The following TDRD3 variants were observed in gnomAD, a reference collection of about 807,000 sequenced individuals.
The protein encoded by TDRD3 is tudor domain containing 3, also known as tudor domain-containing protein 3.
In TDRD3, 45 loss-of-function variants were observed where a neutral mutation model predicts 86.7. The observed-to-expected ratio is 0.52, with a 90% CI of 0.41 to 0.67. The LOEUF (loss-of-function observed/expected upper bound fraction) is 0.67. TDRD3 is among the 30% of genes least tolerant of loss of function. TDRD3 has a pLI of 0.00. For synonymous variants in TDRD3, 298 were observed against 301.7 expected (o/e 0.99, Z 0.13); for missense variants, 814 against 889.0 (o/e 0.92, Z 1.07).
chr13:60,530,529 C>T (rs899028532), intron 11 of TDRD3, among the ~76,000 whole-genome samples: 6 of 152,034 alleles, frequency 3.9e-5, no homozygotes, highest in Non-Finnish European at 8.8e-5. Context: ...TAACCTCCAC[C>T]TCCCAGGTTC....
At chr13:60,502,158 G>C (rs1007325052) in intron 8 of TDRD3, among the ~76,000 whole-genome samples, 2 of 152,130 alleles carry the variant, frequency 1.3e-5, no homozygotes, top group Non-Finnish European at 2.9e-5. Flanking sequence ...GAACCTCTGG[G>C]TTATGGGCAC....
At chr13:60,458,150 A>G (rs1299644995) in intron 3 of TDRD3, among the ~76,000 whole-genome samples, 1 of 152,122 alleles carries the variant, frequency 6.6e-6, no homozygotes, top group Non-Finnish European at 1.5e-5. Context: ...GTTCCTCCTT[A>G]TCCTTCATTC....
At chr13:60,482,663 T>G (rs938471040) in intron 5 of TDRD3, among the ~76,000 whole-genome samples, 1 of 152,156 alleles carries the variant, frequency 6.6e-6, no homozygotes, top group Admixed American at 6.5e-5. Context: ...TAGATTAATA[T>G]CTTAAATATA....
At chr13:60,480,822 G>A (rs1956294361) in intron 5 of TDRD3, among the ~76,000 whole-genome samples, 1 of 152,062 alleles carries the variant, frequency 6.6e-6, no homozygotes, top group South Asian at 2.1e-4. Flanking sequence ...GGGGAGTGCT[G>A]CAAGCGAGGG....
intron 1 of TDRD3, among the ~76,000 whole-genome samples, chr13:60,405,664 G>A (rs1370414925): frequency 6.6e-6 from 1 of 152,196 alleles, no homozygotes; most frequent in Non-Finnish European, 1.5e-5. Context: ...AGTGTAGTGA[G>A]ATGGAATTAG....
intron 8 of TDRD3, among the ~76,000 whole-genome samples, chr13:60,496,681 TG>T (rs1049293732): frequency 2.6e-5 from 4 of 152,148 alleles, no homozygotes; most frequent in African/African-American, 9.7e-5. Flanking sequence ...TGAAGCTGGT[TG>T]GTTGCTTCTA....
chr13:60,572,599 C>T (rs1210241023), intron 13 of TDRD3, among the ~76,000 whole-genome samples: 1 of 152,112 alleles, frequency 6.6e-6, no homozygotes, highest in African/African-American at 2.4e-5. Flanking sequence ...GAGGTCAAGG[C>T]TCAATGTGTA....
intron 12 of TDRD3, among the ~76,000 whole-genome samples, chr13:60,542,749 G>A (rs529127528): frequency 5.9e-5 from 9 of 151,930 alleles, no homozygotes; most frequent in East Asian, 5.8e-4. Context: ...TACTTTTATC[G>A]TCTTATGAGT....
At chr13:60,415,916 T>A (rs1954497273) in intron 1 of TDRD3, among the ~76,000 whole-genome samples, 1 of 152,194 alleles carries the variant, frequency 6.6e-6, no homozygotes, top group Non-Finnish European at 1.5e-5. Context: ...TATCTTTTTC[T>A]TAAGGAAAAG....
At chr13:60,491,726 C>T (rs1300213568) in intron 7 of TDRD3, among the ~76,000 whole-genome samples, 1 of 151,798 alleles carries the variant, frequency 6.6e-6, no homozygotes, top group Non-Finnish European at 1.5e-5. Context: ...AAAGTATGAC[C>T]ATGCATTTAC....
intron 5 of TDRD3, among the ~76,000 whole-genome samples, chr13:60,473,475 C>T (rs535128661): frequency 6.6e-6 from 1 of 152,252 alleles, no homozygotes; most frequent in Non-Finnish European, 1.5e-5. Context: ...CGGCAAGCCA[C>T]CCAGGTGCCA....
At chr13:60,514,454 C>A (rs1243524895) in intron 10 of TDRD3, among the ~76,000 whole-genome samples, 1 of 152,096 alleles carries the variant, frequency 6.6e-6, no homozygotes, top group Admixed American at 6.6e-5. Context: ...TTGTTGGGGG[C>A]CTATCACACT....
At chr13:60,442,069 T>C (rs368517023) in intron 2 of TDRD3, among the ~76,000 whole-genome samples, 2 of 152,210 alleles carry the variant, frequency 1.3e-5, no homozygotes, top group East Asian at 3.8e-4. Context: ...TCAGATCTGC[T>C]ATGTAACTTT....
At chr13:60,550,570 G>A (rs180944951) in intron 12 of TDRD3, among the ~76,000 whole-genome samples, 2 of 152,106 alleles carry the variant, frequency 1.3e-5, no homozygotes, top group East Asian at 3.9e-4. Context: ...TTGCCTCTGG[G>A]TTCCTTTCTT....
At chr13:60,467,494 G>T in intron 5 of TDRD3, 115 bp downstream of exon 5, 2 of 1,133,368 alleles carry the variant, frequency 1.8e-6, no homozygotes, top group Non-Finnish European at 2.5e-6. Context: ...GAATAGAATG[G>T]AATATGATTA....
intron 1 of TDRD3, among the ~76,000 whole-genome samples, chr13:60,435,849 T>G (rs1955076197): frequency 6.6e-6 from 1 of 151,554 alleles, no homozygotes; most frequent in Non-Finnish European, 1.5e-5. Context: ...CTCCATACTG[T>G]TTTCCGTAGT....
At position 60,439,109 on chromosome 13, in the gene TDRD3, TA is replaced by T. The variant is rs372164036; in HGVS notation, c.42-571del. Reference sequence around the variant, plus strand: ...AAAAAAGGGCAAATAAGACAATGCGTAAAAAAAACTGAAAAGAGATAGGAAA... The same window carrying T: ...AAAAAAGGGCAAATAAGACAATGCGTAAAAAAACTGAAAAGAGATAGGAAA... On this transcript the variant is annotated intron_variant, in intron 1 of 13. Transcript: ENST00000377881. 9.1e-3 allele frequency among the ~76,000 whole-genome samples: 1,376 copies of T among 151,926 alleles called. 18 individuals carry two copies. Among genetic ancestry groups the T allele is most frequent in the African/African-American group, 0.026 (1,086 of 41,454 alleles).
At chr13:60,429,664 C>T (rs1294562738) in intron 1 of TDRD3, among the ~76,000 whole-genome samples, 1 of 152,118 alleles carries the variant, frequency 6.6e-6, no homozygotes, top group African/African-American at 2.4e-5. Context: ...GTATTTCCTT[C>T]TTTCTGACAC....
intron 4 of TDRD3, 67 bp from the exon 5 acceptor site, chr13:60,467,171 G>T (rs1263883207): frequency 3.8e-6 from 6 of 1,579,294 alleles, no homozygotes; most frequent in Non-Finnish European, 5.2e-6. Flanking sequence ...GGTCTGTGTT[G>T]TTTCCCGCCC....
Sources: allele counts gnomAD v4.1 joint callset (sites outside exome capture counted in the v4.1 genomes callset), GRCh38; gene constraint gnomAD v4.1.1; transcripts MANE v1.5; gene names NCBI Gene and HGNC (gene_info 2026-07-23, HGNC 2026-07-21).